The following ATR variants were observed in gnomAD, a reference collection of about 807,000 sequenced individuals.
The protein encoded by ATR is serine/threonine-protein kinase ATR.
In ATR, 142 loss-of-function variants were observed where a neutral mutation model predicts 305.3. That is an observed-to-expected ratio of 0.47 (90% confidence interval 0.41 to 0.53). ATR has a LOEUF of 0.53. ATR is among the 20% of genes least tolerant of loss of function. The pLI is 0.00. For synonymous variants in ATR, 1,050 were observed against 1,068.1 expected, an observed-to-expected ratio of 0.98 and a Z score of 0.33; for missense variants, 2,135 against 3,133.1, an observed-to-expected ratio of 0.68 and a Z score of 7.60.
chr3:142,535,964 T>C, intron 20 of ATR, 144 bp downstream of exon 20: 1 of 637,324 alleles, frequency 1.6e-6, no homozygotes, highest in Non-Finnish European at 2.8e-6. Flanking sequence ...CATGGTAGCA[T>C]TATCTACTCA....
chr3:142,537,965 A>G (rs929828624), intron 19 of ATR, among the ~76,000 whole-genome samples: 2 of 152,206 alleles, frequency 1.3e-5, no homozygotes, highest in Non-Finnish European at 2.9e-5. Flanking sequence ...GAATTTATCA[A>G]TTAGGAAATG....
At chr3:142,456,179 T>C (rs1266496205) in intron 45 of ATR, among the ~76,000 whole-genome samples, 3 of 151,944 alleles carry the variant, frequency 2.0e-5, no homozygotes, top group Non-Finnish European at 4.4e-5. Context: ...GGGAAATCAC[T>C]TGAACCCACG....
At chr3:142,508,923 CAAAAAAA>C (rs11453887) in intron 27 of ATR, among the ~76,000 whole-genome samples, 7 of 118,288 alleles carry the variant, frequency 5.9e-5, no homozygotes, top group Non-Finnish European at 6.7e-5. Context: ...GACTCCGTAT[CAAAAAAA>C]AAAAAAAAAA....
At chr3:142,552,074 G>A (rs369178246) in intron 13 of ATR, among the ~76,000 whole-genome samples, 4 of 151,392 alleles carry the variant, frequency 2.6e-5, no homozygotes, top group East Asian at 1.9e-4. Context: ...CAACATCACT[G>A]ATCAAAACTA....
Position 142,561,252 on chromosome 3 carries a change from T to C in ATR, c.1340A>G (p.Gln447Arg). The change falls in exon 5 of 47, where the codon CAG (glutamine) becomes CGG (arginine). Residue 447 changes from glutamine (Q) to arginine (R), a missense_variant. By Grantham distance (43) the Gln-to-Arg change is conservative. Around this residue, in one of 9 missense-constraint regions of ATR, gnomAD observed 744 missense variants for 873.2 expected, o/e 0.85. Coordinates refer to ENST00000350721, the MANE Select transcript of ATR (RefSeq NM_001184.4). ...SLNPSKRAPK[Q>R]TEEIKHVDMN... ...ATGAAGGTCATCATACTCCTCAGTC[T>C]GTTTTGGTGCTCTTTTAGAAGGGTT... 6.2e-7 allele frequency: 1 copy of C among 1,613,866 alleles called. No individual in the cohort carries two copies. The highest frequency in any genetic ancestry group is 8.5e-7 in the Non-Finnish European group (1 of 1,179,752).
At chr3:142,452,007 G>C in intron 46 of ATR, 1 of 1,029,430 alleles carries the variant, frequency 9.7e-7, no homozygotes, top group Non-Finnish European at 1.2e-6. Flanking sequence ...CTGCTACAGA[G>C]TGAATTTTTC....
At chr3:142,568,005 A>T (rs2035129917) in intron 2 of ATR, 58 bp downstream of exon 2, 2 of 1,331,936 alleles carry the variant, frequency 1.5e-6, no homozygotes, top group Non-Finnish European at 2.1e-6. Context: ...TATAATTTAT[A>T]CATGGAAAAG....
intron 16 of ATR, among the ~76,000 whole-genome samples, chr3:142,546,995 T>C (rs1057132616): frequency 6.6e-6 from 1 of 152,210 alleles, no homozygotes; most frequent in Middle Eastern, 3.2e-3. Context: ...CTGCTCAAGG[T>C]CATCACCAAA....
At position 142,538,622 on chromosome 3, in the gene ATR, AG is replaced by A; in HGVS notation, c.3584del (p.Ala1195ValfsTer21). 1 of 1,613,456 alleles carries A rather than the reference AG, an allele frequency of 6.2e-7. No individual in the cohort carries two copies. The highest frequency in any genetic ancestry group is 8.5e-7 in the Non-Finnish European group (1 of 1,179,576). On this transcript the variant is annotated frameshift_variant and splice_region_variant, in exon 19 of 47. Coordinates refer to ENST00000350721, the MANE Select transcript of ATR (RefSeq NM_001184.4). LOFTEE classifies it high-confidence loss of function. ...KDDFPELCCR[A>X]WDCFVRCLDH... is the part of the protein sequence containing the mutation. ...CCAGGCAGCGAACAAAGCAGTCCCA[AG>A]CTCTATGTGAAAAAACAAATAGAAA...
At chr3:142,532,482 A>G (rs2033691469) in intron 21 of ATR, among the ~76,000 whole-genome samples, 1 of 152,168 alleles carries the variant, frequency 6.6e-6, no homozygotes, top group Admixed American at 6.5e-5. Flanking sequence ...CCATCCACTG[A>G]GCTTAGAAGT....
chr3:142,488,813 T>C (rs1489424799), intron 35 of ATR, among the ~76,000 whole-genome samples: 1 of 152,254 alleles, frequency 6.6e-6, no homozygotes, highest in Non-Finnish European at 1.5e-5. Flanking sequence ...GTCAATTACC[T>C]GTTAGCATTT....
chr3:142,551,253 A>G (rs1405635748), intron 13 of ATR, among the ~76,000 whole-genome samples: 1 of 152,068 alleles, frequency 6.6e-6, no homozygotes, highest in African/African-American at 2.4e-5. Context: ...CTAAAACCCC[A>G]TCTCTACAGA....
chr3:142,558,517 G>A (rs920841432), intron 8 of ATR, 107 bp downstream of exon 8: 20 of 882,566 alleles, frequency 2.3e-5, no homozygotes, highest in South Asian at 3.8e-5. Flanking sequence ...GTAAGACTCC[G>A]TCTCAAAAAT....
chr3:142,506,865 A>C (rs2032268568), intron 28 of ATR, among the ~76,000 whole-genome samples: 1 of 152,162 alleles, frequency 6.6e-6, no homozygotes, highest in Admixed American at 6.5e-5. Context: ...TTACTAGAGA[A>C]ACACAGCCAG....
intron 36 of ATR, among the ~76,000 whole-genome samples, chr3:142,472,878 G>T (rs746419715): frequency 6.6e-6 from 1 of 152,094 alleles, no homozygotes; most frequent in Non-Finnish European, 1.5e-5. Context: ...GGGCTCAAAC[G>T]ATCCATCTGC....
intron 20 of ATR, 52 bp from the exon 21 acceptor site, chr3:142,535,257 C>A (rs376600971): frequency 1.1e-5 from 18 of 1,605,912 alleles, no homozygotes; most frequent in Admixed American, 1.7e-5. Context: ...ATTTTAACAA[C>A]CATTTCCAAA....
chr3:142,550,006 A>T, intron 14 of ATR, 126 bp downstream of exon 14: 2 of 1,236,048 alleles, frequency 1.6e-6, no homozygotes, highest in Non-Finnish European at 2.3e-6. Context: ...AAGAACAATG[A>T]CTCAAATCCA....
chr3:142,484,515 CTAT>C (rs905291429), intron 36 of ATR, among the ~76,000 whole-genome samples: 3 of 152,310 alleles, frequency 2.0e-5, no homozygotes, highest in Admixed American at 6.5e-5. Context: ...CTCACCCTAC[CTAT>C]CTCTTCATCA....
At chr3:142,505,634 T>C (rs112407462) in intron 28 of ATR, among the ~76,000 whole-genome samples, 2,727 of 152,324 alleles carry the variant, frequency 0.018, 29 homozygotes, top group South Asian at 0.041. Flanking sequence ...AAGAGTTTTA[T>C]TGAATTTTTA....
Sources: gnomAD v4.1 joint callset for allele counts (sites outside exome capture counted in the v4.1 genomes callset) on GRCh38, gnomAD v4.1.1 for gene constraint, gnomAD v4.1.1 regional missense constraint, MANE v1.5 for transcripts, NCBI Gene and HGNC (gene_info 2026-07-23, HGNC 2026-07-21) for gene names.